TESC: variants seen among roughly 807,000 people sequenced by gnomAD.
TESC encodes the protein tescalcin, also known as calcineurin B homologous protein 3.
Under a neutral mutation model 31.0 loss-of-function variants are expected in TESC, and 19 were observed. That is an observed-to-expected ratio of 0.61 (90% CI 0.43 to 0.90). TESC has a LOEUF of 0.90. Ranked by LOEUF, TESC falls within the 40% of genes least tolerant of loss-of-function variation. TESC has a pLI of 0.00. For missense variants in TESC, 248 were observed against 303.8 expected (o/e 0.82, Z 1.36); for synonymous variants, 109 against 114.8 (o/e 0.95, Z 0.32).
At chr12:117,071,036 T>C (rs193025904) in intron 2 of TESC, among the ~76,000 whole-genome samples, 166 of 152,258 alleles carry the variant, frequency 1.1e-3, no homozygotes, top group African/African-American at 3.7e-3. Flanking sequence ...GTTCAAATAA[T>C]AAGAGCTTAC....
intron 2 of TESC, among the ~76,000 whole-genome samples, chr12:117,061,672 G>C (rs1423891438): frequency 6.6e-6 from 1 of 151,848 alleles, no homozygotes; most frequent in African/African-American, 2.4e-5. Context: ...TCTCTCCATA[G>C]GCACCTGCTA....
At chr12:117,071,806 A>C (rs1954977836) in intron 2 of TESC, among the ~76,000 whole-genome samples, 1 of 152,150 alleles carries the variant, frequency 6.6e-6, no homozygotes, top group East Asian at 1.9e-4. Context: ...ATCAGCACAG[A>C]GAGGCCGCGC....
chr12:117,087,863 A>T (rs1955240427), intron 1 of TESC, among the ~76,000 whole-genome samples: 1 of 152,184 alleles, frequency 6.6e-6, no homozygotes, highest in Non-Finnish European at 1.5e-5. Flanking sequence ...TAATAATATA[A>T]TAACCACCAT....
At chr12:117,059,373 C>G (rs1377057092) in intron 2 of TESC, among the ~76,000 whole-genome samples, 1 of 152,194 alleles carries the variant, frequency 6.6e-6, no homozygotes, top group Non-Finnish European at 1.5e-5. Context: ...GGCCTTTCAG[C>G]TGGGCTCACT....
chr12:117,054,949 C>T (rs942797296), intron 3 of TESC, among the ~76,000 whole-genome samples: 3 of 152,124 alleles, frequency 2.0e-5, no homozygotes, highest in African/African-American at 7.2e-5. Flanking sequence ...CCCCTAGAGT[C>T]CCAGACACCT....
intron 1 of TESC, among the ~76,000 whole-genome samples, chr12:117,093,314 T>C (rs7305834): frequency 0.23 from 34,769 of 152,252 alleles, 4,800 homozygotes; most frequent in African/African-American, 0.39. Context: ...GAGAACGCAG[T>C]GGAGAAACCA....
Position 117,039,022 on chromosome 12 carries a change from C to T in TESC, c.*111G>A, listed in dbSNP as rs558900908. 79 of 1,210,604 alleles carry T rather than the reference C, an allele frequency of 6.5e-5. No individual in the cohort carries two copies. In the South Asian group the frequency reaches 9.3e-4, roughly 14 times the overall value. 75.0% of individuals were successfully genotyped at this position (1,210,604 alleles called of 1,614,324 possible). On this transcript the variant is annotated 3_prime_UTR_variant, in exon 8 of 8. Coordinates refer to ENST00000335209, the MANE Select transcript of TESC (RefSeq NM_017899.4). ...CACAAGGTGCGCAGACGAGCCTTGG[C>T]TATGTACCGGCGCTGCAGGAAGAGG...
At chr12:117,075,400 G>T in intron 1 of TESC, 60 bp from the exon 2 acceptor site, 1 of 1,575,934 alleles carries the variant, frequency 6.3e-7, no homozygotes, top group South Asian at 1.1e-5. Flanking sequence ...GACTGTCAGA[G>T]GGAGGCTGCA....
At chr12:117,073,327 G>A (rs577222073) in intron 2 of TESC, among the ~76,000 whole-genome samples, 7 of 152,156 alleles carry the variant, frequency 4.6e-5, no homozygotes, top group African/African-American at 9.7e-5. Flanking sequence ...TGACTCTTCC[G>A]CTGGGCTCAG....
In TESC at chr12:117,058,385, T is replaced by C. The variant is rs184529998; in HGVS notation, c.129-1499A>G. Reference sequence around the variant, plus strand: ...AAGCAGATTGGTGGTTGTCAGGGGGTTGGGGAGAGGGGAATGTGGTGTGCC... The same window carrying C: ...AAGCAGATTGGTGGTTGTCAGGGGGCTGGGGAGAGGGGAATGTGGTGTGCC... On this transcript the variant is annotated intron_variant, in intron 2 of 7. Transcript: ENST00000335209. Among the ~76,000 whole-genome samples the C allele has an allele frequency of 7.3e-5, 11 of 150,592 alleles. 1 individual carries two copies. The East Asian group carries it at 1.9e-3, about 27-fold the overall frequency.
chr12:117,054,876 G>A (rs563861652), intron 3 of TESC, among the ~76,000 whole-genome samples: 6 of 152,256 alleles, frequency 3.9e-5, no homozygotes, highest in South Asian at 2.1e-4. Flanking sequence ...ACAGGCTGGC[G>A]GGCCTCACTG....
At chr12:117,089,433 C>A (rs1955274374) in intron 1 of TESC, among the ~76,000 whole-genome samples, 1 of 152,074 alleles carries the variant, frequency 6.6e-6, no homozygotes. Context: ...AGCAAATGAA[C>A]CACCATAAGG....
At chr12:117,073,663 G>C (rs1955008888) in intron 2 of TESC, among the ~76,000 whole-genome samples, 1 of 152,192 alleles carries the variant, frequency 6.6e-6, no homozygotes, top group African/African-American at 2.4e-5. Flanking sequence ...CTGTAACCTT[G>C]AGACTCTGAA....
chr12:117,043,147 C>T (rs1166703890), intron 6 of TESC, among the ~76,000 whole-genome samples: 2 of 152,012 alleles, frequency 1.3e-5, no homozygotes, highest in African/African-American at 4.8e-5. Flanking sequence ...ACCATCTGCC[C>T]TGTGGGTGTG....
chr12:117,075,929 A>G (rs1319278884), intron 1 of TESC, among the ~76,000 whole-genome samples: 18 of 105,540 alleles, frequency 1.7e-4, no homozygotes, highest in South Asian at 2.7e-4. Context: ...GTGTGTATAT[A>G]TATATATATA....
chr12:117,063,745 T>C (rs1051347662), intron 2 of TESC, among the ~76,000 whole-genome samples: 10 of 152,106 alleles, frequency 6.6e-5, no homozygotes, highest in Admixed American at 1.3e-4. Flanking sequence ...GCCCCTCTGA[T>C]TCCCCTTCCT....
intron 1 of TESC, among the ~76,000 whole-genome samples, chr12:117,082,726 G>A (rs1955165749): frequency 6.6e-6 from 1 of 152,054 alleles, no homozygotes; most frequent in South Asian, 2.1e-4. Context: ...ATGTGCACAA[G>A]AAAAAATAGA....
chr12:117,058,156 G>A (rs1449072909), intron 2 of TESC, among the ~76,000 whole-genome samples: 2 of 152,048 alleles, frequency 1.3e-5, no homozygotes, highest in Non-Finnish European at 2.9e-5. Flanking sequence ...GGAGGTGGAG[G>A]TTGCAGTGAG....
chr12:117,068,802 C>A (rs1954922235), intron 2 of TESC, among the ~76,000 whole-genome samples: 1 of 152,194 alleles, frequency 6.6e-6, no homozygotes, highest in South Asian at 2.1e-4. Flanking sequence ...ATGGCCTGCA[C>A]CACTACATCT....
Sources: gnomAD v4.1 joint callset for allele counts (sites outside exome capture counted in the v4.1 genomes callset) on GRCh38, gnomAD v4.1.1 for gene constraint, MANE v1.5 for transcripts, NCBI Gene and HGNC (gene_info 2026-07-23, HGNC 2026-07-21) for gene names.